ANO4: variants seen among roughly 807,000 people sequenced by gnomAD.
The protein encoded by ANO4 is anoctamin 4.
ANO4 carries 69 observed loss-of-function variants against 141.9 expected under a neutral mutation model. The observed-to-expected ratio is 0.49, with a 90% CI of 0.40 to 0.59. The LOEUF (loss-of-function observed/expected upper bound fraction) is 0.59. Among genes scored for constraint, ANO4 ranks in the 20% least tolerant of loss-of-function variants. The probability of loss-of-function intolerance (pLI) is 0.00; values close to 1 mark genes in which losing one functional copy is unlikely to be tolerated. For synonymous variants in ANO4, 350 were observed against 394.3 expected, an observed-to-expected ratio of 0.89 and a Z score of 1.33; for missense variants, 894 against 1,162.2, an observed-to-expected ratio of 0.77 and a Z score of 3.36.
intron 15 of ANO4, among the ~76,000 whole-genome samples, chr12:101,082,871 T>C (rs1277682514): frequency 6.6e-6 from 1 of 151,504 alleles, no homozygotes; most frequent in Non-Finnish European, 1.5e-5. Context: ...TGCCATCCTC[T>C]CCCAACACTC....
At chr12:100,725,343 C>CT (rs5800419) in intron 1 of ANO4, among the ~76,000 whole-genome samples, 37,583 of 114,534 alleles carry the variant, frequency 0.33, 7,385 homozygotes, top group East Asian at 0.5. Context: ...AAATTGGTAT[C>CT]TTTTTTTTTT....
intron 2 of ANO4, chr12:100,739,812 G>T (rs958623913): frequency 1.4e-6 from 1 of 698,224 alleles, no homozygotes; most frequent in African/African-American, 1.8e-5. Context: ...ACACTATATG[G>T]CTTTGATTGC....
chr12:100,808,376 C>T (rs865938786), intron 1 of ANO4, among the ~76,000 whole-genome samples: 1 of 152,032 alleles, frequency 6.6e-6, no homozygotes, highest in Admixed American at 6.5e-5. Flanking sequence ...TCTGTTCATG[C>T]CCTTTGCCCA....
rs989120214 is a variant in ANO4 at position 100,895,751 on chromosome 12, G to A, written c.-140-5895G>A. Among the ~76,000 whole-genome samples the A allele has an allele frequency of 4.0e-5, 6 of 151,848 alleles. No individual in the cohort carries two copies. The South Asian group carries it at 1.0e-3, about 26-fold the overall frequency. On this transcript the variant is annotated intron_variant, in intron 1 of 27. Coordinates refer to ENST00000392977, the MANE Select transcript of ANO4 (RefSeq NM_001286615.2). ...TAATTTTTGTATTTTTAGCAGAGATGGGGTTTCACCATGTTGGCCAGGCTG... is the reference window on the plus strand; with the variant it reads ...TAATTTTTGTATTTTTAGCAGAGATAGGGTTTCACCATGTTGGCCAGGCTG...
intron 5 of ANO4, among the ~76,000 whole-genome samples, chr12:100,968,061 T>C: frequency 6.6e-6 from 1 of 152,188 alleles, no homozygotes; most frequent in East Asian, 1.9e-4. Context: ...GGGTAACATG[T>C]GAATGTGCTT....
intron 1 of ANO4, among the ~76,000 whole-genome samples, chr12:100,826,311 G>A (rs1196132627): frequency 6.6e-6 from 1 of 151,830 alleles, no homozygotes; most frequent in Non-Finnish European, 1.5e-5. Context: ...ATGGAAAATG[G>A]TCATTGCTCA....
At chr12:100,940,882 G>A (rs1592781977) in intron 4 of ANO4, among the ~76,000 whole-genome samples, 1 of 152,096 alleles carries the variant, frequency 6.6e-6, no homozygotes, top group East Asian at 1.9e-4. Flanking sequence ...GAAGAGCCTG[G>A]ATGAAAATTC....
intron 5 of ANO4, among the ~76,000 whole-genome samples, chr12:100,953,356 C>CT (rs1343081075): frequency 1.3e-5 from 2 of 152,178 alleles, no homozygotes; most frequent in Non-Finnish European, 2.9e-5. Flanking sequence ...GCTTGTAACC[C>CT]TTACAAGTGA....
chr12:100,772,373 T>C (rs1483399538), intron 3 of ANO4, among the ~76,000 whole-genome samples: 1 of 152,194 alleles, frequency 6.6e-6, no homozygotes, highest in Non-Finnish European at 1.5e-5. Flanking sequence ...CTACCTCTTT[T>C]CTTTAAATGC....
At chr12:101,077,810 A>G (rs1193773594) in intron 14 of ANO4, among the ~76,000 whole-genome samples, 1 of 152,178 alleles carries the variant, frequency 6.6e-6, no homozygotes, top group African/African-American at 2.4e-5. Context: ...TGCCAAACTT[A>G]GGGGAAAAAC....
chr12:100,865,499 A>T (rs1424646316), intron 1 of ANO4, among the ~76,000 whole-genome samples: 1 of 152,206 alleles, frequency 6.6e-6, no homozygotes, highest in African/African-American at 2.4e-5. Context: ...TGGGCGAAGG[A>T]TATGAACAGA....
chr12:100,998,373 T>C (rs1434843483), intron 8 of ANO4, among the ~76,000 whole-genome samples: 1 of 100,372 alleles, frequency 1.0e-5, no homozygotes, highest in Non-Finnish European at 2.1e-5. Flanking sequence ...CTTAATAAAC[T>C]CCCCTTTATC....
rs1592847411 is a variant in ANO4 at position 100,961,029 on chromosome 12, C to A, written c.457-10277C>A. ...ATTTTCTCTCCCAATAGATAGTAGA[C>A]CAACCTCTGTTCATACTAATTACAT... On this transcript the variant is annotated intron_variant, in intron 5 of 27. Transcript: ENST00000392977. Among the ~76,000 whole-genome samples the A allele has an allele frequency of 2.6e-5, 4 of 152,250 alleles. No homozygotes were observed. In the South Asian group the frequency reaches 8.3e-4, roughly 32 times the overall value.
chr12:100,851,857 ATGTAAAGGTCC>A (rs765380692), intron 1 of ANO4, among the ~76,000 whole-genome samples: 83 of 152,224 alleles, frequency 5.5e-4, no homozygotes, highest in Admixed American at 1.4e-3. Context: ...GGATCAGCAA[ATGTAAAGGTCC>A]TTAGTGGGAG....
At chr12:100,748,896 G>T (rs1043961798) in intron 3 of ANO4, among the ~76,000 whole-genome samples, 1 of 151,996 alleles carries the variant, frequency 6.6e-6, no homozygotes. Context: ...GATTTTAATC[G>T]TATGTTATGG....
chr12:100,717,634 G>C (rs1428851865), intron 1 of ANO4: 1 of 398,392 alleles, frequency 2.5e-6, no homozygotes, highest in Non-Finnish European at 4.4e-6. Context: ...GAAACTTCGG[G>C]GTTCGCCTCT....
intron 3 of ANO4, among the ~76,000 whole-genome samples, chr12:100,930,539 A>G (rs1237564484): frequency 6.6e-6 from 1 of 152,128 alleles, no homozygotes; most frequent in Non-Finnish European, 1.5e-5. Flanking sequence ...CCACTAATCT[A>G]TGTGTCTGTT....
intron 3 of ANO4, among the ~76,000 whole-genome samples, chr12:100,746,659 G>A (rs2032124449): frequency 1.3e-5 from 2 of 152,182 alleles, no homozygotes; most frequent in South Asian, 2.1e-4. Flanking sequence ...TGGACACCAG[G>A]GATACTGCTA....
chr12:100,937,558 C>A (rs1430696766), intron 3 of ANO4, among the ~76,000 whole-genome samples: 1 of 152,144 alleles, frequency 6.6e-6, no homozygotes, highest in Admixed American at 6.6e-5. Flanking sequence ...CAACCCTTGG[C>A]TGTATGAAAA....
Sources: gnomAD v4.1 joint callset for allele counts (sites outside exome capture counted in the v4.1 genomes callset) on GRCh38, gnomAD v4.1.1 for gene constraint, MANE v1.5 for transcripts, NCBI Gene and HGNC (gene_info 2026-07-23, HGNC 2026-07-21) for gene names.